Variants in AGBL4 observed in about 807,000 individuals in gnomAD.
The protein encoded by AGBL4 is cytosolic carboxypeptidase 6.
Under a neutral mutation model 66.4 loss-of-function variants are expected in AGBL4, and 58 were observed. The observed-to-expected ratio is 0.87, with a 90% CI of 0.71 to 1.09. The LOEUF (loss-of-function observed/expected upper bound fraction) is 1.09, where lower values mean the gene tolerates loss of function less well. AGBL4 is among the 50% of genes least tolerant of loss of function. The pLI, the probability that AGBL4 is intolerant of heterozygous loss-of-function variation, is 0.00. For synonymous variants in AGBL4, 234 were observed against 222.9 expected (o/e 1.05, Z -0.44); for missense variants, 579 against 631.0 (o/e 0.92, Z 0.88).
intron 2 of AGBL4, among the ~76,000 whole-genome samples, chr1:49,799,548 T>A (rs1393653245): frequency 1.3e-5 from 2 of 152,042 alleles, no homozygotes; most frequent in Non-Finnish European, 2.9e-5. Flanking sequence ...CAGTTGTTTA[T>A]AGGAAGTGAG....
intron 3 of AGBL4, among the ~76,000 whole-genome samples, chr1:49,478,165 A>G (rs980963792): frequency 9.9e-5 from 15 of 152,060 alleles, no homozygotes; most frequent in East Asian, 1.9e-4. Context: ...CAAATGGATA[A>G]TAACAGAGAA....
intron 3 of AGBL4, among the ~76,000 whole-genome samples, chr1:49,267,776 G>A (rs1447729609): frequency 6.6e-6 from 1 of 152,160 alleles, no homozygotes; most frequent in Non-Finnish European, 1.5e-5. Context: ...CACAATCATG[G>A]TAGAAGGCAA....
At chr1:48,975,555 C>T (rs1659258115) in intron 5 of AGBL4, among the ~76,000 whole-genome samples, 1 of 152,120 alleles carries the variant, frequency 6.6e-6, no homozygotes. Flanking sequence ...GATGAAACAT[C>T]TGACTCTGGG....
chr1:48,776,571 C>G, intron 6 of AGBL4: 25 of 1,363,746 alleles, frequency 1.8e-5, no homozygotes, highest in Non-Finnish European at 2.4e-5. Flanking sequence ...AGCCCCCGCC[C>G]GGGTCCCACC....
intron 3 of AGBL4, among the ~76,000 whole-genome samples, chr1:49,544,488 T>C (rs1323143558): frequency 1.3e-5 from 2 of 152,206 alleles, no homozygotes; most frequent in African/African-American, 4.8e-5. Flanking sequence ...TTCAGTGGTA[T>C]GTATATTCAG....
At chr1:49,708,567 C>T (rs184832286) in intron 2 of AGBL4, among the ~76,000 whole-genome samples, 15 of 152,192 alleles carry the variant, frequency 9.9e-5, no homozygotes, top group African/African-American at 3.6e-4. Flanking sequence ...ATTCATCAAA[C>T]TCATTCTCCA....
intron 6 of AGBL4, among the ~76,000 whole-genome samples, chr1:48,789,461 T>C (rs939654401): frequency 9.2e-5 from 14 of 152,092 alleles, no homozygotes; most frequent in African/African-American, 3.4e-4. Flanking sequence ...GCTAATTTTT[T>C]TGTATTTTTA....
Position 49,389,444 on chromosome 1 carries a change from C to G in AGBL4, c.283-143580G>C, listed in dbSNP as rs375062309. On this transcript the variant is annotated intron_variant, in intron 3 of 13. Transcript: ENST00000371839. Reference sequence around the variant, plus strand: ...ACTAAGTACTATTACTCTCATTTTACAGAAGAGGAAATTGAGGCTTGACTT... The same window carrying G: ...ACTAAGTACTATTACTCTCATTTTAGAGAAGAGGAAATTGAGGCTTGACTT... Among the ~76,000 whole-genome samples the G allele has an allele frequency of 3.5e-4, 53 of 152,208 alleles. 1 individual carries two copies. In the South Asian group the frequency reaches 9.8e-3, roughly 28 times the overall value.
intron 4 of AGBL4, among the ~76,000 whole-genome samples, chr1:49,193,622 G>T (rs931343956): frequency 6.6e-6 from 1 of 151,684 alleles, no homozygotes; most frequent in Admixed American, 6.6e-5. Flanking sequence ...CCGCCTCTGG[G>T]GTTCATGCCA....
At chr1:49,216,999 T>C (rs1649146219) in intron 4 of AGBL4, among the ~76,000 whole-genome samples, 1 of 152,146 alleles carries the variant, frequency 6.6e-6, no homozygotes, top group Non-Finnish European at 1.5e-5. Flanking sequence ...CTAACAGGGT[T>C]CTGCACTGTT....
intron 5 of AGBL4, among the ~76,000 whole-genome samples, chr1:48,892,548 G>A (rs758931519): frequency 3.3e-5 from 5 of 152,082 alleles, no homozygotes; most frequent in African/African-American, 7.2e-5. Flanking sequence ...CATTGGTTCC[G>A]TCTGAAAAGG....
chr1:48,607,897 T>C (rs1327821613), intron 9 of AGBL4, among the ~76,000 whole-genome samples: 1 of 152,192 alleles, frequency 6.6e-6, no homozygotes, highest in Non-Finnish European at 1.5e-5. Context: ...ATTTAATCCT[T>C]ATGACAACTT....
At chr1:49,552,266 G>A (rs867342265) in intron 3 of AGBL4, among the ~76,000 whole-genome samples, 4 of 152,094 alleles carry the variant, frequency 2.6e-5, no homozygotes, top group Non-Finnish European at 4.4e-5. Context: ...TTCTTCCCCC[G>A]CCTGTGGAGT....
chr1:49,068,877 T>A (rs531694761), intron 4 of AGBL4, among the ~76,000 whole-genome samples: 1 of 152,148 alleles, frequency 6.6e-6, no homozygotes, highest in Non-Finnish European at 1.5e-5. Flanking sequence ...TTTCTCTACA[T>A]CCTCTCCAGC....
chr1:49,294,626 T>G (rs1228840741), intron 3 of AGBL4, among the ~76,000 whole-genome samples: 1 of 152,144 alleles, frequency 6.6e-6, no homozygotes, highest in East Asian at 1.9e-4. Flanking sequence ...TAAGTCAATC[T>G]CTCCAACCTC....
At chr1:48,882,807 GCTCT>G (rs1649921931) in intron 5 of AGBL4, among the ~76,000 whole-genome samples, 1 of 152,004 alleles carries the variant, frequency 6.6e-6, no homozygotes, top group Non-Finnish European at 1.5e-5. Flanking sequence ...CTACTGTTCT[GCTCT>G]CTGTTTCTAT....
intron 2 of AGBL4, among the ~76,000 whole-genome samples, chr1:49,749,730 T>A (rs1651298841): frequency 6.6e-6 from 1 of 152,172 alleles, no homozygotes. Context: ...CATTAAAAAC[T>A]ACAAAATGTT....
At chr1:48,710,209 C>T (rs1646944424) in intron 6 of AGBL4, among the ~76,000 whole-genome samples, 1 of 152,126 alleles carries the variant, frequency 6.6e-6, no homozygotes, top group African/African-American at 2.4e-5. Context: ...AATATGAACA[C>T]TCATTCACAT....
rs74502483 is a variant in AGBL4, at chr1:48,892,201, C to T, written c.595-24971G>A. On this transcript the variant is annotated intron_variant, in intron 5 of 13. Coordinates refer to ENST00000371839, the MANE Select transcript of AGBL4 (RefSeq NM_032785.4). ...GTTTGTGGCAGCATTATTCCCATCTCTGCTTCTGTTGTCACATGGCATTCT... is the reference window on the plus strand; with the variant it reads ...GTTTGTGGCAGCATTATTCCCATCTTTGCTTCTGTTGTCACATGGCATTCT... Among the ~76,000 whole-genome samples, 465 of 152,246 alleles carry T rather than the reference C, an allele frequency of 3.1e-3. 3 individuals carry two copies. The highest frequency in any genetic ancestry group is 0.01 in the African/African-American group (427 of 41,534).
Sources: gnomAD v4.1 joint callset for allele counts (sites outside exome capture counted in the v4.1 genomes callset) on GRCh38, gnomAD v4.1.1 for gene constraint, MANE v1.5 for transcripts, NCBI Gene and HGNC (gene_info 2026-07-23, HGNC 2026-07-21) for gene names.